The following TPO variants were observed in gnomAD, a reference collection of about 807,000 sequenced individuals.
The protein encoded by TPO is thyroid peroxidase, also known as thyroid microsomal antigen.
TPO carries 78 observed loss-of-function variants against 96.9 expected under a neutral mutation model. The observed-to-expected ratio is 0.81, with a 90% CI of 0.67 to 0.97. TPO has a LOEUF of 0.97. Among genes scored for constraint, TPO ranks in the 50% least tolerant of loss-of-function variants. TPO has a pLI of 0.00. For synonymous variants in TPO, 547 were observed against 538.0 expected (o/e 1.02, Z -0.23); for missense variants, 1,252 against 1,274.8 (o/e 0.98, Z 0.27).
intron 5 of TPO, among the ~76,000 whole-genome samples, chr2:1,440,380 G>A (rs1666047485): frequency 1.4e-5 from 2 of 138,164 alleles, no homozygotes; most frequent in South Asian, 2.5e-4. Context: ...GGGTTTCTAA[G>A]GCTTGTTTTT....
At chr2:1,397,559 C>G (rs1015866288) in intron 1 of TPO, among the ~76,000 whole-genome samples, 3 of 152,186 alleles carry the variant, frequency 2.0e-5, no homozygotes, top group African/African-American at 4.8e-5. Context: ...ACATAGCCAG[C>G]TCTCGGCCCT....
chr2:1,496,290 T>C, intron 12 of TPO, 93 bp downstream of exon 12: 1 of 1,480,334 alleles, frequency 6.8e-7, no homozygotes, highest in Non-Finnish European at 9.2e-7. Flanking sequence ...AACTTTTCAC[T>C]GTTTAGAAAA....
intron 15 of TPO, among the ~76,000 whole-genome samples, chr2:1,534,384 T>C (rs1407731877): frequency 1.3e-4 from 15 of 118,562 alleles, no homozygotes; most frequent in East Asian, 3.0e-4. Context: ...CCCAAATCCC[T>C]CCAACTGTGT....
intron 14 of TPO, among the ~76,000 whole-genome samples, chr2:1,516,603 A>T (rs1434014190): frequency 6.6e-6 from 1 of 152,192 alleles, no homozygotes; most frequent in East Asian, 1.9e-4. Context: ...TCTGTCCTGC[A>T]GGACGCGTCC....
intron 1 of TPO, among the ~76,000 whole-genome samples, chr2:1,406,671 G>A (rs1369367398): frequency 6.6e-6 from 1 of 152,190 alleles, no homozygotes; most frequent in Non-Finnish European, 1.5e-5. Context: ...GTGAAACAAA[G>A]GACCAAATGC....
chr2:1,528,326 TCCTC>T (rs2125187126), intron 15 of TPO, among the ~76,000 whole-genome samples: 2 of 104,834 alleles, frequency 1.9e-5, no homozygotes, highest in South Asian at 3.4e-4. Context: ...CCTCCACAAA[TCCTC>T]CCAAGTCTGC....
At chr2:1,414,329 C>A in intron 1 of TPO, 79 bp from the exon 2 acceptor site, 1 of 1,377,978 alleles carries the variant, frequency 7.3e-7, no homozygotes, top group Non-Finnish European at 1.0e-6. Flanking sequence ...AGCCCCTCAG[C>A]AGGGAGACAA....
intron 1 of TPO, among the ~76,000 whole-genome samples, chr2:1,378,486 A>G (rs35046247): frequency 0.11 from 15,994 of 152,252 alleles, 1,617 homozygotes; most frequent in African/African-American, 0.27. Flanking sequence ...GGCTCAGAGC[A>G]CACAGCCCAT....
At chr2:1,501,304 C>T (rs970753477) in intron 13 of TPO, among the ~76,000 whole-genome samples, 5 of 150,904 alleles carry the variant, frequency 3.3e-5, no homozygotes, top group African/African-American at 9.7e-5. Context: ...GCGAAGCAGT[C>T]GGAGAGCAGA....
chr2:1,503,278 G>A (rs373531678), intron 13 of TPO, among the ~76,000 whole-genome samples: 63 of 152,302 alleles, frequency 4.1e-4, no homozygotes, highest in African/African-American at 1.4e-3. Flanking sequence ...GGAAGAGCTC[G>A]TGTTCCCCAC....
chr2:1,512,503 G>A (rs1674258634), intron 14 of TPO: 1 of 984,558 alleles, frequency 1.0e-6, no homozygotes, highest in Non-Finnish European at 1.2e-6. Context: ...TGTGATGGAT[G>A]TGATGCTTGC....
intron 15 of TPO, among the ~76,000 whole-genome samples, chr2:1,521,505 G>A (rs1423701478): frequency 6.6e-6 from 1 of 152,128 alleles, no homozygotes; most frequent in African/African-American, 2.4e-5. Flanking sequence ...TCCTCCCCCA[G>A]GGCCCTCTTT....
At chr2:1,455,641 T>G (rs6716250) in intron 6 of TPO, among the ~76,000 whole-genome samples, 141,454 of 152,234 alleles carry the variant, frequency 0.93, 65,795 homozygotes, top group South Asian at 0.98. Context: ...CAACCCACGT[T>G]GAAATCCAGC....
At chr2:1,423,647 CA>C (rs1286319704) in intron 3 of TPO, among the ~76,000 whole-genome samples, 1 of 151,988 alleles carries the variant, frequency 6.6e-6, no homozygotes, top group Non-Finnish European at 1.5e-5. Flanking sequence ...AAACAAAAAA[CA>C]AAAAACCTGT....
At chr2:1,410,076 C>T (rs1243396450), upstream of TPO, among the ~76,000 whole-genome samples, 2 of 152,014 alleles carry the variant, frequency 1.3e-5, no homozygotes, top group Non-Finnish European at 2.9e-5. Flanking sequence ...TAATGTATAG[C>T]TTGATGACTA....
intron 7 of TPO, among the ~76,000 whole-genome samples, chr2:1,471,704 G>A (rs1669433630): frequency 6.6e-6 from 1 of 152,124 alleles, no homozygotes; most frequent in Non-Finnish European, 1.5e-5. Context: ...ACTCCCAAAT[G>A]TTGATATTTG....
At chr2:1,411,432 C>T (rs1573066757), upstream of TPO, among the ~76,000 whole-genome samples, 4 of 152,294 alleles carry the variant, frequency 2.6e-5, no homozygotes, top group East Asian at 5.8e-4. Context: ...CATTTTCAAG[C>T]GTCCTTCTGT....
chr2:1,409,982 T>TG (rs1023831853), upstream of TPO, among the ~76,000 whole-genome samples: 5 of 35,738 alleles, frequency 1.4e-4, no homozygotes, highest in South Asian at 9.1e-4. Flanking sequence ...GCTGGTGCCA[T>TG]GGGGGGGACA....
intron 14 of TPO, among the ~76,000 whole-genome samples, chr2:1,506,728 GTTGT>G (rs1310236456): frequency 9.2e-5 from 14 of 152,114 alleles, no homozygotes; most frequent in Non-Finnish European, 1.6e-4. Context: ...TTTTGATGGG[GTTGT>G]TTGTTTTTTT....
Sources: gnomAD v4.1 joint callset for allele counts (sites outside exome capture counted in the v4.1 genomes callset) on GRCh38, gnomAD v4.1.1 for gene constraint, MANE v1.5 for transcripts, NCBI Gene and HGNC (gene_info 2026-07-23, HGNC 2026-07-21) for gene names.